TTC34: variants seen among roughly 807,000 people sequenced by gnomAD.
The protein encoded by TTC34 is tetratricopeptide repeat domain 34.
A neutral mutation model predicts 40.7 loss-of-function variants in TTC34; 44 were observed. The ratio of observed to expected loss-of-function variants is 1.08; its 90% CI spans 0.85 to 1.39. The LOEUF (loss-of-function observed/expected upper bound fraction) is 1.39. Ranked by LOEUF, TTC34 falls within the 40% of genes most tolerant of loss-of-function variation. The pLI, the probability that TTC34 is intolerant of heterozygous loss-of-function variation, is 0.00. For missense variants in TTC34, 884 were observed against 838.0 expected, an observed-to-expected ratio of 1.05 and a Z score of -0.68; for synonymous variants, 422 against 398.6, an observed-to-expected ratio of 1.06 and a Z score of -0.70.
chr1:2,685,851 C>A (rs1198144979), intron 6 of TTC34, among the ~76,000 whole-genome samples: 2,276 of 109,980 alleles, frequency 0.021, 18 homozygotes, highest in African/African-American at 0.059. Flanking sequence ...CCAGGTGAGC[C>A]TCTGACAGCC....
At chr1:2,754,868 A>G in intron 6 of TTC34, among the ~76,000 whole-genome samples, 1 of 81,584 alleles carries the variant, frequency 1.2e-5, no homozygotes, top group Middle Eastern at 6.0e-3. Flanking sequence ...TGCCCAGCTG[A>G]GCCTGTGACA....
intron 6 of TTC34, among the ~76,000 whole-genome samples, chr1:2,646,347 G>A (rs115287986): frequency 0.014 from 2,092 of 152,234 alleles, 23 homozygotes; most frequent in Admixed American, 0.024. Context: ...TACACTGAGC[G>A]ATGCATTTCC....
At chr1:2,751,381 C>T (rs1436319033) in intron 6 of TTC34, among the ~76,000 whole-genome samples, 3 of 140,814 alleles carry the variant, frequency 2.1e-5, no homozygotes, top group Non-Finnish European at 4.6e-5. Flanking sequence ...AGGTGCGCAT[C>T]TGATGGTCTG....
intron 6 of TTC34, among the ~76,000 whole-genome samples, chr1:2,687,886 T>A (rs201871111): frequency 1.6e-4 from 4 of 25,456 alleles, no homozygotes; most frequent in African/African-American, 5.9e-4. Context: ...AGAACCCACA[T>A]CCCCAGGTGA....
chr1:2,685,001 C>A (rs6662172), intron 6 of TTC34, among the ~76,000 whole-genome samples: 45,233 of 135,450 alleles, frequency 0.33, 8,635 homozygotes, highest in Non-Finnish European at 0.42. Context: ...CCCATACCCC[C>A]AGGCGAGCAT....
intron 6 of TTC34, among the ~76,000 whole-genome samples, chr1:2,686,645 C>T (rs796822749): frequency 1.2e-5 from 1 of 85,296 alleles, no homozygotes; most frequent in Non-Finnish European, 2.6e-5. Context: ...CCCACACACC[C>T]AGGTGAGCAT....
chr1:2,799,080 C>T (rs2100638288), intron 2 of TTC34, among the ~76,000 whole-genome samples: 1 of 143,634 alleles, frequency 7.0e-6, no homozygotes, highest in Middle Eastern at 3.7e-3. Context: ...CCTCCCAGCC[C>T]CCTAGCCTCC....
intron 6 of TTC34, among the ~76,000 whole-genome samples, chr1:2,759,250 C>A (rs1385301129): frequency 3.3e-5 from 1 of 30,236 alleles, no homozygotes; most frequent in African/African-American, 1.4e-4. Context: ...CCGGTGCGCA[C>A]GTGACAGCCT....
intron 6 of TTC34, among the ~76,000 whole-genome samples, chr1:2,768,064 A>G (rs1232520472): frequency 6.6e-6 from 1 of 151,568 alleles, no homozygotes; most frequent in African/African-American, 2.4e-5. Flanking sequence ...ATCATTTGCC[A>G]GCCAGGAACG....
At position 2,751,515 on chromosome 1, in the gene TTC34, C is replaced by G. The variant is rs1455809946; in HGVS notation, c.2226+32094G>C. Among the ~76,000 whole-genome samples the G allele has an allele frequency of 3.6e-4, 24 of 66,122 alleles. 7 individuals are homozygous for G. Among genetic ancestry groups the G allele is most frequent in the Admixed American group, 1.1e-3 (6 of 5,590 alleles). The allele number at this position is 66,122 out of a possible 152,430, so 43.4% of individuals were successfully genotyped here. A position where few individuals can be genotyped will look rare whatever the true frequency, so the allele number is the denominator to read the frequency against. On this transcript the variant is annotated intron_variant, in intron 6 of 8. Coordinates refer to ENST00000401095, the Ensembl canonical transcript of TTC34. ...CAGGTGAGCCTCTGACAGCCTTGAACAGCACCCTGCACCCCCAGGTGAGCA... is the reference window on the plus strand; with the variant it reads ...CAGGTGAGCCTCTGACAGCCTTGAAGAGCACCCTGCACCCCCAGGTGAGCA...
rs551710546 is a variant in TTC34 at position 2,796,450 on chromosome 1, T to G, written c.784+3594A>C. ...TGACTTGGGTCTAATGGATGCACAA[T>G]TCTTAGGGCAGGTGTTCCCTGTACA... On this transcript the variant is annotated intron_variant, in intron 2 of 8. Transcript: ENST00000401095. The surrounding 1 kb of genome is among the most constrained non-coding windows in gnomAD (Gnocchi z 4.5). Among the ~76,000 whole-genome samples, 9 of 152,270 alleles carry G rather than the reference T, an allele frequency of 5.9e-5. No individual in the cohort carries two copies. In the East Asian group the frequency reaches 1.7e-3, roughly 29 times the overall value.
chr1:2,650,103 A>G (rs28611770), intron 6 of TTC34, among the ~76,000 whole-genome samples: 86,946 of 128,576 alleles, frequency 0.68, 27,184 homozygotes, highest in Non-Finnish European at 0.72. Context: ...CCCCAGGTGA[A>G]CATCTGACAG....
intron 6 of TTC34, among the ~76,000 whole-genome samples, chr1:2,684,020 G>T (rs1325830989): frequency 7.5e-6 from 1 of 133,584 alleles, no homozygotes; most frequent in Admixed American, 7.2e-5. Flanking sequence ...TGACAGCCTG[G>T]AACAGCACCC....
At chr1:2,643,181 C>T (rs1434555042) in intron 8 of TTC34, among the ~76,000 whole-genome samples, 1 of 152,200 alleles carries the variant, frequency 6.6e-6, no homozygotes, top group Non-Finnish European at 1.5e-5. Flanking sequence ...CCCCTGAGCC[C>T]GCGGCTCGGG....
chr1:2,693,180 C>G (rs571114474), intron 6 of TTC34, among the ~76,000 whole-genome samples: 64 of 100,024 alleles, frequency 6.4e-4, no homozygotes, highest in African/African-American at 1.5e-3. Flanking sequence ...GGGTCCGCAC[C>G]CACACCCCCA....
chr1:2,757,667 A>G (rs1641551843), intron 6 of TTC34, among the ~76,000 whole-genome samples: 4 of 144,184 alleles, frequency 2.8e-5, no homozygotes, highest in Non-Finnish European at 4.6e-5. Flanking sequence ...AGCAGGACCC[A>G]CACCCCTAGG....
chr1:2,755,829 G>C (rs1469757538), intron 6 of TTC34, among the ~76,000 whole-genome samples: 2 of 98,274 alleles, frequency 2.0e-5, no homozygotes, highest in East Asian at 6.7e-4. Context: ...CACAACCACA[G>C]GTGAGCATCC....
chr1:2,698,422 C>T lies in TTC34; in HGVS notation c.2227-52859G>A, dbSNP rs371892247. Among the ~76,000 whole-genome samples, 10 of 33,636 alleles carry T rather than the reference C, an allele frequency of 3.0e-4. No homozygotes were observed. In the East Asian group the frequency reaches 3.6e-3, roughly 12 times the overall value. The allele number at this position is 33,636 out of a possible 152,430, so 22.1% of individuals were successfully genotyped here. A position where few individuals can be genotyped will look rare whatever the true frequency, so the allele number is the denominator to read the frequency against. ...CACCCCACACACCCAGGTGAGTATC[C>T]GACAGCCTGGAGCAGCACCCACACC... is the stretch of plus-strand genomic sequence containing the variant. On this transcript the variant is annotated intron_variant, in intron 6 of 8. Transcript: ENST00000401095.
intron 6 of TTC34, among the ~76,000 whole-genome samples, chr1:2,650,023 A>C (rs559394251): frequency 5.5e-5 from 8 of 144,736 alleles, no homozygotes; most frequent in South Asian, 2.2e-4. Flanking sequence ...CCAGGTGAGC[A>C]TCTGACAGCC....
Sources: gnomAD v4.1 joint callset for allele counts (sites outside exome capture counted in the v4.1 genomes callset) on GRCh38, gnomAD v4.1.1 for gene constraint, Gnocchi (gnomAD v3.1) non-coding constraint, MANE v1.5 for transcripts, NCBI Gene and HGNC (gene_info 2026-07-23, HGNC 2026-07-21) for gene names.